The following DYNC1I1 variants were observed in gnomAD, a reference collection of about 807,000 sequenced individuals.
DYNC1I1 encodes dynein cytoplasmic 1 intermediate chain 1.
A neutral mutation model predicts 86.6 loss-of-function variants in DYNC1I1; 43 were observed. The ratio of observed to expected loss-of-function variants is 0.50; its 90% CI spans 0.39 to 0.64. DYNC1I1 has a LOEUF of 0.64. DYNC1I1 is among the 30% of genes least tolerant of loss of function. DYNC1I1 has a pLI of 0.00. For missense variants in DYNC1I1, 604 were observed against 788.8 expected (o/e 0.77, Z 2.81); for synonymous variants, 262 against 283.7 (o/e 0.92, Z 0.77).
chr7:95,876,763 C>T (rs1314159434), intron 6 of DYNC1I1, among the ~76,000 whole-genome samples: 1 of 152,044 alleles, frequency 6.6e-6, no homozygotes, highest in Non-Finnish European at 1.5e-5. Context: ...TGTTGACTTA[C>T]TTAAGAAACA....
chr7:96,074,070 A>G (rs1469610882), intron 14 of DYNC1I1, among the ~76,000 whole-genome samples: 1 of 152,224 alleles, frequency 6.6e-6, no homozygotes, highest in Non-Finnish European at 1.5e-5. Flanking sequence ...TAAAAGAATT[A>G]TAGAATCATA....
intron 6 of DYNC1I1, among the ~76,000 whole-genome samples, chr7:95,915,759 A>G (rs1022723424): frequency 1.3e-5 from 2 of 152,218 alleles, no homozygotes; most frequent in African/African-American, 4.8e-5. Flanking sequence ...TGGGCTATAC[A>G]TTTATACGAT....
intron 9 of DYNC1I1, among the ~76,000 whole-genome samples, chr7:95,995,104 A>G (rs1391295535): frequency 1.3e-5 from 2 of 151,946 alleles, no homozygotes; most frequent in Admixed American, 6.6e-5. Flanking sequence ...AAAATTAGCC[A>G]GGCGTGGTGG....
chr7:95,841,058 G>GT (rs2116012927), intron 5 of DYNC1I1, among the ~76,000 whole-genome samples: 1 of 152,290 alleles, frequency 6.6e-6, no homozygotes, highest in African/African-American at 2.4e-5. Context: ...GACGCAGGCT[G>GT]TTTTAAATCA....
At chr7:95,990,361 T>G (rs183152345) in intron 9 of DYNC1I1, among the ~76,000 whole-genome samples, 56 of 152,284 alleles carry the variant, frequency 3.7e-4, no homozygotes, top group African/African-American at 1.3e-3. Flanking sequence ...TCATCCAGGA[T>G]GCAAACCTGA....
intron 6 of DYNC1I1, among the ~76,000 whole-genome samples, chr7:95,973,854 T>G (rs1240103678): frequency 6.6e-6 from 1 of 152,220 alleles, no homozygotes; most frequent in East Asian, 1.9e-4. Context: ...ACTTTCAGTT[T>G]TAAGAACTAG....
chr7:95,800,941 C>T lies in DYNC1I1; in HGVS notation c.-9-3780C>T, dbSNP rs141068075. Among the ~76,000 whole-genome samples, 13 of 152,358 alleles carry T rather than the reference C, an allele frequency of 8.5e-5. No homozygotes were observed. In the East Asian group the frequency reaches 2.5e-3, roughly 29 times the overall value. ...AGGGAGATTTAGTGGGTCAGACTAG[C>T]AAGCCCCCCAGGAAATCCTACGGAG... On this transcript the variant is annotated intron_variant, in intron 1 of 16. Coordinates refer to ENST00000447467, the MANE Select transcript of DYNC1I1 (RefSeq NM_001135556.2).
intron 10 of DYNC1I1, among the ~76,000 whole-genome samples, chr7:95,999,659 G>A (rs1298111557): frequency 6.6e-6 from 1 of 152,184 alleles, no homozygotes; most frequent in Non-Finnish European, 1.5e-5. Context: ...TGTGAAGAGT[G>A]ATGGTAACAG....
At chr7:95,915,780 A>G (rs1364255672) in intron 6 of DYNC1I1, among the ~76,000 whole-genome samples, 1 of 152,198 alleles carries the variant, frequency 6.6e-6, no homozygotes, top group Non-Finnish European at 1.5e-5. Context: ...CTAAATTCCC[A>G]TATTAACAAA....
At chr7:96,023,732 C>G (rs1037833115) in intron 10 of DYNC1I1, among the ~76,000 whole-genome samples, 1 of 152,102 alleles carries the variant, frequency 6.6e-6, no homozygotes, top group Non-Finnish European at 1.5e-5. Context: ...TGCAAGTGAA[C>G]ATGTGGCTAT....
At chr7:96,044,238 T>TTTAA (rs1789141204) in intron 14 of DYNC1I1, among the ~76,000 whole-genome samples, 2 of 152,294 alleles carry the variant, frequency 1.3e-5, no homozygotes, top group Middle Eastern at 3.4e-3. Flanking sequence ...ATAAAGAACC[T>TTTAA]TTAAAAGGCA....
intron 10 of DYNC1I1, among the ~76,000 whole-genome samples, chr7:96,012,788 A>T (rs1401406603): frequency 6.6e-6 from 1 of 152,164 alleles, no homozygotes; most frequent in South Asian, 2.1e-4. Context: ...AATAATGGCC[A>T]CCCAAAGACA....
At chr7:95,810,686 G>A (rs1056675215) in intron 3 of DYNC1I1, among the ~76,000 whole-genome samples, 180 bp downstream of exon 3, 2 of 85,824 alleles carry the variant, frequency 2.3e-5, no homozygotes, top group Admixed American at 1.2e-4. Context: ...GGAAGGAGAT[G>A]GGAGGAAAGT....
chr7:95,993,578 T>C (rs1793783511), intron 9 of DYNC1I1, among the ~76,000 whole-genome samples: 1 of 152,172 alleles, frequency 6.6e-6, no homozygotes, highest in African/African-American at 2.4e-5. Flanking sequence ...TCAAAGGCTT[T>C]CTTAATAGGC....
Position 95,851,252 on chromosome 7 carries a change from T to G in DYNC1I1, c.375-18631T>G, listed in dbSNP as rs1223425586. Among the ~76,000 whole-genome samples the G allele has an allele frequency of 3.9e-5, 6 of 152,012 alleles. No homozygotes were observed. The South Asian group carries it at 1.2e-3, about 32-fold the overall frequency. ...GCCTGGCCAATATCACAACATTTGA[T>G]CTGATAACTGAGATGAATACTAACT... On this transcript the variant is annotated intron_variant, in intron 5 of 16. Transcript: ENST00000447467.
chr7:95,819,518 A>G (rs1365346873), intron 4 of DYNC1I1, among the ~76,000 whole-genome samples: 1 of 152,154 alleles, frequency 6.6e-6, no homozygotes, highest in Non-Finnish European at 1.5e-5. Flanking sequence ...GGGTGAAAGC[A>G]TCATCATCTT....
At chr7:95,912,456 T>A (rs1164956148) in intron 6 of DYNC1I1, among the ~76,000 whole-genome samples, 1 of 152,212 alleles carries the variant, frequency 6.6e-6, no homozygotes, top group East Asian at 1.9e-4. Flanking sequence ...GTTTAATCTC[T>A]CTTGTTCAGG....
At chr7:95,777,777 C>A (rs1406490227) in intron 1 of DYNC1I1, among the ~76,000 whole-genome samples, 2 of 152,126 alleles carry the variant, frequency 1.3e-5, no homozygotes, top group Non-Finnish European at 1.5e-5. Context: ...TGTACTTGAT[C>A]AACAGACCTG....
At chr7:95,806,520 C>T (rs1191642024) in intron 2 of DYNC1I1, among the ~76,000 whole-genome samples, 1 of 152,178 alleles carries the variant, frequency 6.6e-6, no homozygotes, top group Non-Finnish European at 1.5e-5. Context: ...AACACCTGGA[C>T]TCTAGACATT....
Sources: allele counts gnomAD v4.1 joint callset (sites outside exome capture counted in the v4.1 genomes callset), GRCh38; gene constraint gnomAD v4.1.1; transcripts MANE v1.5; gene names NCBI Gene and HGNC (gene_info 2026-07-23, HGNC 2026-07-21).